ZFAND3: variants seen among roughly 807,000 people sequenced by gnomAD.
ZFAND3 encodes the protein AN1-type zinc finger protein 3.
A neutral mutation model predicts 29.6 loss-of-function variants in ZFAND3; 10 were observed. The ratio of observed to expected loss-of-function variants is 0.34; its 90% CI spans 0.21 to 0.57. The LOEUF (loss-of-function observed/expected upper bound fraction) is 0.57, where lower values mean the gene tolerates loss of function less well. Among genes scored for constraint, ZFAND3 ranks in the 20% least tolerant of loss-of-function variants. ZFAND3 has a pLI of 0.86. For synonymous variants in ZFAND3, 128 were observed against 112.6 expected (o/e 1.14, Z -0.87); for missense variants, 230 against 304.5 (o/e 0.76, Z 1.82).
chr6:37,835,551 A>T (rs1463336927), intron 1 of ZFAND3, among the ~76,000 whole-genome samples: 1 of 150,142 alleles, frequency 6.7e-6, no homozygotes, highest in Non-Finnish European at 1.5e-5. Flanking sequence ...GTATTATTTT[A>T]AATCCTTTTT....
intron 2 of ZFAND3, among the ~76,000 whole-genome samples, chr6:38,012,377 AT>A (rs67495073): frequency 0.32 from 39,727 of 123,046 alleles, 5,366 homozygotes; most frequent in East Asian, 0.46. Flanking sequence ...TTTTGATAGT[AT>A]TTTTTTTTTT....
At chr6:37,834,318 C>A (rs1561904574) in intron 1 of ZFAND3, among the ~76,000 whole-genome samples, 1 of 152,118 alleles carries the variant, frequency 6.6e-6, no homozygotes, top group Non-Finnish European at 1.5e-5. Context: ...CCTTCCATGT[C>A]TTTTCATGGC....
At chr6:37,963,814 A>T (rs898749905) in intron 2 of ZFAND3, among the ~76,000 whole-genome samples, 6 of 152,090 alleles carry the variant, frequency 3.9e-5, no homozygotes, top group Admixed American at 1.3e-4. Context: ...CCCTCTTAAG[A>T]TCTCTCTATT....
intron 2 of ZFAND3, among the ~76,000 whole-genome samples, chr6:38,002,474 T>C (rs1489279743): frequency 6.6e-6 from 1 of 151,766 alleles, no homozygotes; most frequent in Non-Finnish European, 1.5e-5. Context: ...AACCCAGGAA[T>C]CCGAGACAAG....
chr6:38,046,389 G>A (rs192832273), intron 2 of ZFAND3, among the ~76,000 whole-genome samples: 75 of 152,244 alleles, frequency 4.9e-4, no homozygotes, highest in Admixed American at 1.8e-3. Flanking sequence ...TGCCTCTTCC[G>A]CTGTTCCATT....
At chr6:37,953,046 T>C (rs1762025549) in intron 2 of ZFAND3, among the ~76,000 whole-genome samples, 1 of 152,148 alleles carries the variant, frequency 6.6e-6, no homozygotes, top group Admixed American at 6.5e-5. Context: ...TTGTAGGAAG[T>C]AGGTAGTTGA....
At chr6:38,135,027 T>G (rs1581948266) in intron 5 of ZFAND3, among the ~76,000 whole-genome samples, 1 of 152,204 alleles carries the variant, frequency 6.6e-6, no homozygotes, top group African/African-American at 2.4e-5. Flanking sequence ...TTTCACCTAG[T>G]GCCTGATGTC....
chr6:37,881,273 A>G (rs1764890397), intron 1 of ZFAND3, among the ~76,000 whole-genome samples: 1 of 152,006 alleles, frequency 6.6e-6, no homozygotes, highest in African/African-American at 2.4e-5. Context: ...TTTAGTAGAG[A>G]TGGGGTTTCC....
At chr6:37,869,315 C>T (rs1343146488) in intron 1 of ZFAND3, among the ~76,000 whole-genome samples, 2 of 152,044 alleles carry the variant, frequency 1.3e-5, no homozygotes, top group African/African-American at 2.4e-5. Flanking sequence ...AGGCGCACCA[C>T]GCCTGGCTAG....
chr6:37,939,531 T>G (rs1357032038), intron 2 of ZFAND3, among the ~76,000 whole-genome samples: 1 of 152,158 alleles, frequency 6.6e-6, no homozygotes, highest in Non-Finnish European at 1.5e-5. Context: ...GGACATATTT[T>G]GGGAGGTGGG....
chr6:37,904,099 A>C (rs1192799167), intron 1 of ZFAND3, among the ~76,000 whole-genome samples: 1 of 152,194 alleles, frequency 6.6e-6, no homozygotes, highest in Non-Finnish European at 1.5e-5. Flanking sequence ...CATTAACTAT[A>C]GTGGTGCAAA....
intron 1 of ZFAND3, among the ~76,000 whole-genome samples, chr6:37,862,518 CAAAA>C (rs79671764): frequency 9.0e-6 from 1 of 111,604 alleles, no homozygotes; most frequent in African/African-American, 3.4e-5. Flanking sequence ...CCTATCTTTC[CAAAA>C]AAAAAAAAAA....
chr6:37,838,755 T>C (rs748669867), intron 1 of ZFAND3, among the ~76,000 whole-genome samples: 7 of 152,246 alleles, frequency 4.6e-5, no homozygotes, highest in Admixed American at 1.3e-4. Context: ...TTTTTGGCTA[T>C]TATGAATAAT....
chr6:38,012,213 TG>T (rs1190505622), intron 2 of ZFAND3, among the ~76,000 whole-genome samples: 1 of 152,090 alleles, frequency 6.6e-6, no homozygotes, highest in African/African-American at 2.4e-5. Flanking sequence ...GGGAGACATT[TG>T]GTAAAGTACC....
At chr6:37,994,458 T>C (rs1284430469) in intron 2 of ZFAND3, among the ~76,000 whole-genome samples, 1 of 152,166 alleles carries the variant, frequency 6.6e-6, no homozygotes, top group African/African-American at 2.4e-5. Flanking sequence ...GCTCAGACAT[T>C]ACTTTTCTCT....
intron 5 of ZFAND3, among the ~76,000 whole-genome samples, chr6:38,145,811 T>C (rs1427217432): frequency 6.6e-6 from 1 of 152,156 alleles, no homozygotes; most frequent in East Asian, 1.9e-4. Context: ...TGAGTCCAGA[T>C]GTTCTGGTTT....
At chr6:38,027,343 A>G (rs1763470447) in intron 2 of ZFAND3, among the ~76,000 whole-genome samples, 1 of 152,230 alleles carries the variant, frequency 6.6e-6, no homozygotes, top group Non-Finnish European at 1.5e-5. Context: ...TGGTGGATTT[A>G]TGGAATCTTT....
intron 2 of ZFAND3, among the ~76,000 whole-genome samples, chr6:37,974,215 A>G (rs1184198615): frequency 2.0e-5 from 3 of 152,068 alleles, no homozygotes; most frequent in East Asian, 1.9e-4. Context: ...GGCGCCTGCC[A>G]TGACACCTGG....
At chr6:38,084,383 G>A (rs1015300996) in intron 4 of ZFAND3, among the ~76,000 whole-genome samples, 1 of 151,974 alleles carries the variant, frequency 6.6e-6, no homozygotes, top group African/African-American at 2.4e-5. Context: ...CTGTAAAATG[G>A]GATGATAAAT....
Sources: gnomAD v4.1 joint callset for allele counts (sites outside exome capture counted in the v4.1 genomes callset) on GRCh38, gnomAD v4.1.1 for gene constraint, MANE v1.5 for transcripts, NCBI Gene and HGNC (gene_info 2026-07-23, HGNC 2026-07-21) for gene names.